The following ADK variants were observed in gnomAD, a reference collection of about 807,000 sequenced individuals.
ADK encodes the protein N6,N6-dimethyladenosine kinase.
ADK carries 24 observed loss-of-function variants against 44.7 expected under a neutral mutation model. That is an observed-to-expected ratio of 0.54 (90% confidence interval 0.39 to 0.76). The LOEUF (loss-of-function observed/expected upper bound fraction) is 0.76. Among genes scored for constraint, ADK ranks in the 30% least tolerant of loss-of-function variants. The pLI is 0.00. For synonymous variants in ADK, 128 were observed against 142.6 expected, an observed-to-expected ratio of 0.90 and a Z score of 0.73; for missense variants, 321 against 425.1, an observed-to-expected ratio of 0.76 and a Z score of 2.15.
chr10:74,514,736 T>C (rs1393575441), intron 6 of ADK, among the ~76,000 whole-genome samples: 4 of 152,210 alleles, frequency 2.6e-5, no homozygotes, highest in Admixed American at 6.5e-5. Flanking sequence ...TTGATTTTTT[T>C]CCCACATTTC....
intron 10 of ADK, among the ~76,000 whole-genome samples, chr10:74,699,676 G>A (rs1159183892): frequency 1.3e-5 from 2 of 151,922 alleles, no homozygotes; most frequent in African/African-American, 2.4e-5. Flanking sequence ...TCTCAAAAAC[G>A]ATAATAATAA....
rs759748358 is a variant in ADK at position 74,569,412 on chromosome 10, A to G, written c.727-19870A>G. Among the ~76,000 whole-genome samples the G allele has an allele frequency of 5.9e-5, 9 of 152,080 alleles. No homozygotes were observed. In the South Asian group the frequency reaches 1.0e-3, roughly 18 times the overall value. ...CCACCAACAGTGTGAAAGTGTTTCT[A>G]TTTCTCCACATCCTCTCCAGCACCT... On this transcript the variant is annotated intron_variant, in intron 7 of 10. Coordinates refer to ENST00000539909, the MANE Select transcript of ADK (RefSeq NM_006721.4).
At chr10:74,270,775 T>G (rs1846400257) in intron 3 of ADK, among the ~76,000 whole-genome samples, 1 of 152,204 alleles carries the variant, frequency 6.6e-6, no homozygotes. Flanking sequence ...GTTTGAGAAT[T>G]TAAAGGCTAA....
chr10:74,222,080 C>G (rs1412630490), intron 2 of ADK, among the ~76,000 whole-genome samples: 1 of 152,070 alleles, frequency 6.6e-6, no homozygotes, highest in African/African-American at 2.4e-5. Flanking sequence ...AGGCAACCCA[C>G]AAAATGGGAG....
chr10:74,564,832 C>T (rs1850593359), intron 7 of ADK, among the ~76,000 whole-genome samples: 1 of 152,090 alleles, frequency 6.6e-6, no homozygotes, highest in East Asian at 1.9e-4. Flanking sequence ...CAAAATAAAA[C>T]ATTCAGAGAA....
At chr10:74,357,547 C>T (rs1275952708) in intron 4 of ADK, among the ~76,000 whole-genome samples, 2 of 151,444 alleles carry the variant, frequency 1.3e-5, no homozygotes, top group East Asian at 1.9e-4. Flanking sequence ...GCAATCCACC[C>T]ACCTCAGCCT....
intron 3 of ADK, among the ~76,000 whole-genome samples, chr10:74,225,944 G>C (rs1844517998): frequency 6.6e-6 from 1 of 152,206 alleles, no homozygotes; most frequent in Middle Eastern, 3.4e-3. Context: ...TTAGTCCTTA[G>C]ACTATGACCA....
At chr10:74,462,559 A>G (rs1846210213) in intron 6 of ADK, among the ~76,000 whole-genome samples, 1 of 152,136 alleles carries the variant, frequency 6.6e-6, no homozygotes, top group Admixed American at 6.5e-5. Flanking sequence ...AATCCATAGA[A>G]TTTTTGTGTT....
intron 4 of ADK, among the ~76,000 whole-genome samples, chr10:74,349,182 C>T (rs1592082239): frequency 6.6e-6 from 1 of 152,166 alleles, no homozygotes; most frequent in Non-Finnish European, 1.5e-5. Flanking sequence ...AGGTTACCTA[C>T]AAAAGGAAGC....
intron 6 of ADK, among the ~76,000 whole-genome samples, chr10:74,503,312 A>C (rs1159312407): frequency 6.6e-6 from 1 of 152,216 alleles, no homozygotes; most frequent in Non-Finnish European, 1.5e-5. Flanking sequence ...TACAGGATTT[A>C]TACTTAGGCT....
intron 3 of ADK, among the ~76,000 whole-genome samples, chr10:74,258,362 GTATTAGCC>G (rs1845905837): frequency 6.6e-6 from 1 of 152,072 alleles, no homozygotes; most frequent in African/African-American, 2.4e-5. Flanking sequence ...AAAGTACTCA[GTATTAGCC>G]TATAGCCTTT....
chr10:74,324,413 T>TCAACA (rs1176557883), intron 4 of ADK, among the ~76,000 whole-genome samples: 1 of 152,188 alleles, frequency 6.6e-6, no homozygotes, highest in Admixed American at 6.5e-5. Context: ...CCCCTCTAAT[T>TCAACA]ACCCAAGCCT....
intron 6 of ADK, among the ~76,000 whole-genome samples, chr10:74,464,158 A>G (rs528538060): frequency 6.6e-6 from 1 of 152,324 alleles, no homozygotes; most frequent in South Asian, 2.1e-4. Context: ...GACATACCGT[A>G]TACATGATAC....
intron 5 of ADK, among the ~76,000 whole-genome samples, chr10:74,396,662 A>T (rs1843521088): frequency 6.6e-6 from 1 of 152,100 alleles, no homozygotes. Context: ...AAGAATACTC[A>T]TATTTTTCTG....
chr10:74,251,799 G>A (rs1347239797), intron 3 of ADK, among the ~76,000 whole-genome samples: 1 of 151,638 alleles, frequency 6.6e-6, no homozygotes, highest in East Asian at 1.9e-4. Flanking sequence ...TCATAGCTAA[G>A]GTCTGTAATT....
chr10:74,631,448 G>T (rs1403726101), intron 9 of ADK, among the ~76,000 whole-genome samples: 2 of 150,510 alleles, frequency 1.3e-5, no homozygotes, highest in Admixed American at 6.6e-5. Context: ...GTAGAGATGG[G>T]GTTTCTCCAT....
intron 10 of ADK, among the ~76,000 whole-genome samples, chr10:74,705,446 G>A (rs1253074052): frequency 1.6e-5 from 2 of 124,606 alleles, no homozygotes; most frequent in African/African-American, 5.2e-5. Flanking sequence ...GTTTACAATT[G>A]TATAACTTTG....
At chr10:74,155,355 G>A (rs1191598553) in intron 1 of ADK, among the ~76,000 whole-genome samples, 1 of 152,074 alleles carries the variant, frequency 6.6e-6, no homozygotes, top group Non-Finnish European at 1.5e-5. Flanking sequence ...TGGACATGGT[G>A]GCATAAGCCT....
intron 1 of ADK, among the ~76,000 whole-genome samples, chr10:74,185,910 C>T (rs182738170): frequency 1.3e-5 from 2 of 151,426 alleles, no homozygotes; most frequent in Admixed American, 6.6e-5. Flanking sequence ...TGCAGCTGCC[C>T]GATCTCGGCT....
Sources: allele counts gnomAD v4.1 joint callset (sites outside exome capture counted in the v4.1 genomes callset), GRCh38; gene constraint gnomAD v4.1.1; transcripts MANE v1.5; gene names NCBI Gene and HGNC (gene_info 2026-07-23, HGNC 2026-07-21).